The following FNDC1 variants were observed in gnomAD, a reference collection of about 807,000 sequenced individuals.
FNDC1 encodes the protein fibronectin type III domain-containing protein 1.
A neutral mutation model predicts 168.0 loss-of-function variants in FNDC1; 96 were observed. That is an observed-to-expected ratio of 0.57 (90% CI 0.48 to 0.68). The LOEUF (loss-of-function observed/expected upper bound fraction) is 0.68. Among genes scored for constraint, FNDC1 ranks in the 30% least tolerant of loss-of-function variants. The pLI, the probability that FNDC1 is intolerant of heterozygous loss-of-function variation, is 0.00. For synonymous variants in FNDC1, 1,099 were observed against 1,025.9 expected, an observed-to-expected ratio of 1.07 and a Z score of -1.36; for missense variants, 2,587 against 2,482.1, an observed-to-expected ratio of 1.04 and a Z score of -0.90.
In FNDC1 at chr6:159,268,991, T is replaced by TCC. The variant is rs1562315450; in HGVS notation, c.5569+1065_5569+1066insCC. Among the ~76,000 whole-genome samples, 291 of 130,458 alleles carry TCC rather than the reference T, an allele frequency of 2.2e-3. 1 individual carries two copies. Among genetic ancestry groups the TCC allele is most frequent in the African/African-American group, 8.0e-3 (275 of 34,340 alleles). The allele number at this position is 130,458 out of a possible 152,430, so 85.6% of individuals were successfully genotyped here. On this transcript the variant is annotated intron_variant, in intron 22 of 22. Coordinates refer to ENST00000297267, the MANE Select transcript of FNDC1 (RefSeq NM_032532.3). ...CTATCCACCTATCCATGTATCTATT[T>TCC]ATCCATCCATCCATCCATCCATCCA...
chr6:159,180,268 G>A (rs1263260263), intron 1 of FNDC1, among the ~76,000 whole-genome samples: 1 of 152,024 alleles, frequency 6.6e-6, no homozygotes, highest in Non-Finnish European at 1.5e-5. Flanking sequence ...TTCTCCCTGC[G>A]TCTTCTCTTG....
chr6:159,228,939 G>T (rs1035413633), intron 9 of FNDC1, among the ~76,000 whole-genome samples: 5 of 152,180 alleles, frequency 3.3e-5, no homozygotes, highest in African/African-American at 1.2e-4. Context: ...GCCTCCCAAA[G>T]TGCTGGGATT....
intron 5 of FNDC1, among the ~76,000 whole-genome samples, chr6:159,220,196 C>T (rs1782791599): frequency 6.6e-6 from 1 of 152,232 alleles, no homozygotes; most frequent in Admixed American, 6.5e-5. Flanking sequence ...CAGCAGCTCA[C>T]TGTCCATAAA....
intron 1 of FNDC1, among the ~76,000 whole-genome samples, chr6:159,181,295 A>G (rs1248757150): frequency 6.6e-6 from 1 of 152,186 alleles, no homozygotes; most frequent in South Asian, 2.1e-4. Context: ...CACAGCTCAG[A>G]TGAGGAAGGG....
intron 1 of FNDC1, among the ~76,000 whole-genome samples, chr6:159,178,754 T>C (rs1294417055): frequency 2.0e-5 from 3 of 151,930 alleles, no homozygotes; most frequent in Non-Finnish European, 4.4e-5. Flanking sequence ...TTCTTTTTTT[T>C]TTTTTGTAAA....
At position 159,232,882 on chromosome 6, in the gene FNDC1, T is replaced by A. The variant is rs1202242339; in HGVS notation, c.2370T>A (p.Gly790=). The A allele has an allele frequency of 6.2e-7, 1 of 1,613,366 alleles. No individual in the cohort carries two copies. Among genetic ancestry groups the A allele is most frequent in the East Asian group, 2.2e-5 (1 of 44,860 alleles). The change falls in exon 11 of 23, where the codon GGT becomes GGA. Residue 790 remains glycine, a synonymous_variant. Transcript: ENST00000297267. This position sits in a 1 kb window ranked among gnomAD's most constrained non-coding sequence, Gnocchi z 4.9. The stretch of plus-strand genomic sequence containing the variant: ...AGGCTTCTGATGGTGAAAGCCACGG[T>A]GACGGCGATAGGGAAGACGGCGGAA... The part of the protein sequence containing the change: ...GAEASDGESH[G]DGDREDGGRQ...
rs371159803 is a variant in FNDC1, at chr6:159,200,082, G to A, written c.391G>A (p.Gly131Arg). The change falls in exon 3 of 23, where the codon GGA becomes AGA. Residue 131 changes from glycine to arginine, a missense_variant and splice_region_variant. Physicochemically the swap from Gly to Arg is moderately radical, Grantham distance 125 (BLOSUM62 -2). Coordinates refer to ENST00000297267, the MANE Select transcript of FNDC1 (RefSeq NM_032532.3). ...TGTTTACAGAGCTGAAAGCCCACCTGGTAAGTCCTATCTAGAATCAGAGGC... is the reference window on the plus strand; with the variant it reads ...TGTTTACAGAGCTGAAAGCCCACCTAGTAAGTCCTATCTAGAATCAGAGGC... ...RPVYRAESPP[G>R]GEWIEIDGFP... 5.7e-6 allele frequency: 9 copies of A among 1,590,234 alleles called. No homozygotes were observed. In the East Asian group the frequency reaches 2.0e-4, roughly 36 times the overall value.
intron 4 of FNDC1, among the ~76,000 whole-genome samples, chr6:159,213,716 C>A (rs1383607581): frequency 6.6e-6 from 1 of 151,398 alleles, no homozygotes; most frequent in African/African-American, 2.4e-5. Context: ...AAAAAAAAAC[C>A]TTTAAAACAA....
At chr6:159,177,231 G>C (rs542300186) in intron 1 of FNDC1, among the ~76,000 whole-genome samples, 8 of 152,298 alleles carry the variant, frequency 5.3e-5, no homozygotes, top group East Asian at 1.9e-4. Flanking sequence ...AGTTTACTGA[G>C]ACTTTCACTA....
Position 159,233,432 on chromosome 6 carries a change from C to A in FNDC1, c.2920C>A (p.Arg974Ser). Residue 974 changes from arginine to serine, a missense_variant, in exon 11 of 23, where the codon CGC (arginine) becomes AGC (serine). By Grantham distance (110) the Arg-to-Ser change is moderately radical. Transcript: ENST00000297267. The surrounding 1 kb of genome is among the most constrained non-coding windows in gnomAD (Gnocchi z 4.6). ...SPKAQPGSTD[R>S]HASPARPPAA... is the part of the protein sequence containing the mutation. ...CAAAGCACAGCCAGGGTCCACAGAC[C>A]GCCACGCGTCCCCTGCTCGTCCGCC... 6.2e-7 allele frequency: 1 copy of A among 1,610,712 alleles called. No individual in the cohort carries two copies. The highest frequency in any genetic ancestry group is 8.5e-7 in the Non-Finnish European group (1 of 1,179,200).
chr6:159,256,458 G>T (rs1393256361), intron 17 of FNDC1, 65 bp from the exon 18 acceptor site: 10 of 1,199,402 alleles, frequency 8.3e-6, no homozygotes, highest in Non-Finnish European at 1.1e-5. Flanking sequence ...GTCCTCAGTG[G>T]GTTACATCTT....
intron 14 of FNDC1, 124 bp from the exon 15 acceptor site, chr6:159,246,777 G>T: frequency 1.5e-6 from 1 of 668,028 alleles, no homozygotes; most frequent in South Asian, 1.8e-5. Context: ...GGAGACCCTG[G>T]CCTTGGGGAC....
chr6:159,172,630 G>A (rs960489715), intron 1 of FNDC1, among the ~76,000 whole-genome samples: 1 of 152,232 alleles, frequency 6.6e-6, no homozygotes, highest in Non-Finnish European at 1.5e-5. Flanking sequence ...AATGACCAGT[G>A]TATAGCCTTA....
intron 15 of FNDC1, among the ~76,000 whole-genome samples, chr6:159,248,778 C>T (rs2115012224): frequency 6.6e-6 from 1 of 152,288 alleles, no homozygotes. Context: ...CCCCATTTTT[C>T]TGGTCATATG....
chr6:159,262,452 T>C (rs1777505461), intron 19 of FNDC1, among the ~76,000 whole-genome samples: 1 of 152,242 alleles, frequency 6.6e-6, no homozygotes, highest in African/African-American at 2.4e-5. Flanking sequence ...AAGAAATATG[T>C]TTCTGTTAGT....
At chr6:159,213,407 A>T (rs900264722) in intron 4 of FNDC1, among the ~76,000 whole-genome samples, 1 of 152,176 alleles carries the variant, frequency 6.6e-6, no homozygotes, top group Non-Finnish European at 1.5e-5. Flanking sequence ...CTTTTAAAAA[A>T]TTTTTATTGC....
At chr6:159,173,862 T>A (rs1781709974) in intron 1 of FNDC1, among the ~76,000 whole-genome samples, 1 of 152,182 alleles carries the variant, frequency 6.6e-6, no homozygotes, top group African/African-American at 2.4e-5. Context: ...GGTGCCCACA[T>A]CCTTGGTTCT....
At chr6:159,250,666 C>A (rs1307643472) in intron 16 of FNDC1, among the ~76,000 whole-genome samples, 2 of 152,186 alleles carry the variant, frequency 1.3e-5, no homozygotes, top group African/African-American at 4.8e-5. Flanking sequence ...CTGCCTTACT[C>A]CCAGGACCAT....
chr6:159,201,218 T>C (rs761385610), intron 4 of FNDC1, among the ~76,000 whole-genome samples: 3 of 152,240 alleles, frequency 2.0e-5, no homozygotes, highest in Non-Finnish European at 4.4e-5. Flanking sequence ...GGTTGGGTAA[T>C]ATCTCAAAAG....
Sources: gnomAD v4.1 joint callset for allele counts (sites outside exome capture counted in the v4.1 genomes callset) on GRCh38, gnomAD v4.1.1 for gene constraint, Gnocchi (gnomAD v3.1) non-coding constraint, MANE v1.5 for transcripts, NCBI Gene and HGNC (gene_info 2026-07-23, HGNC 2026-07-21) for gene names.